PCSK2: variants seen among roughly 807,000 people sequenced by gnomAD.
PCSK2 encodes the protein neuroendocrine convertase 2.
PCSK2 carries 14 observed loss-of-function variants against 69.7 expected under a neutral mutation model. The ratio of observed to expected loss-of-function variants is 0.20; its 90% CI spans 0.13 to 0.31. The LOEUF is 0.31. PCSK2 is among the 10% of genes least tolerant of loss of function. The probability of loss-of-function intolerance (pLI) is 1.00; values close to 1 mark genes in which losing one functional copy is unlikely to be tolerated. For missense variants in PCSK2, 544 were observed against 842.5 expected (o/e 0.65, Z 4.39); for synonymous variants, 307 against 320.7 (o/e 0.96, Z 0.46).
chr20:17,249,260 A>G (rs183077899), intron 1 of PCSK2, among the ~76,000 whole-genome samples: 7 of 152,180 alleles, frequency 4.6e-5, no homozygotes, highest in African/African-American at 1.7e-4. Context: ...TAATCCCAGC[A>G]CTTTGGGAGG....
In PCSK2 at chr20:17,341,073, C is replaced by G. The variant is rs529353138; in HGVS notation, c.283-17254C>G. On this transcript the variant is annotated intron_variant, in intron 2 of 11. Coordinates refer to ENST00000262545, the MANE Select transcript of PCSK2 (RefSeq NM_002594.5). ...CGAGAGCAGCCTGGCCAAAATGTCT[C>G]TACTAAAAATACAAAAATGAGCTGG... 2.6e-5 allele frequency among the ~76,000 whole-genome samples: 4 copies of G among 152,158 alleles called. No individual in the cohort carries two copies. In the South Asian group the frequency reaches 8.3e-4, roughly 32 times the overall value.
Position 17,316,787 on chromosome 20 carries a change from G to T in PCSK2, c.283-41540G>T, listed in dbSNP as rs571923149. Among the ~76,000 whole-genome samples the T allele has an allele frequency of 1.5e-4, 23 of 152,284 alleles. No homozygotes were observed. The South Asian group carries it at 4.1e-3, about 27-fold the overall frequency. ...TTGTGAAATGTAATATTGTGATGTG[G>T]CAGACAGATTATAAGAGTTGAATGC... On this transcript the variant is annotated intron_variant, in intron 2 of 11. Coordinates refer to ENST00000262545, the MANE Select transcript of PCSK2 (RefSeq NM_002594.5).
At chr20:17,237,283 T>TA (rs1986379689) in intron 1 of PCSK2, among the ~76,000 whole-genome samples, 1 of 151,972 alleles carries the variant, frequency 6.6e-6, no homozygotes, top group African/African-American at 2.4e-5. Flanking sequence ...ATTATCAAAG[T>TA]AAAAAGGAGA....
At chr20:17,227,973 C>A (rs570181100) in intron 1 of PCSK2, among the ~76,000 whole-genome samples, 1 of 152,274 alleles carries the variant, frequency 6.6e-6, no homozygotes, top group East Asian at 1.9e-4. Context: ...GGAGGACTTC[C>A]CTCCCAGGGA....
chr20:17,387,596 C>T (rs1314084507), intron 5 of PCSK2, among the ~76,000 whole-genome samples: 1 of 152,200 alleles, frequency 6.6e-6, no homozygotes, highest in Non-Finnish European at 1.5e-5. Flanking sequence ...CAAGCAATCT[C>T]AGAGAGGGAC....
chr20:17,427,753 T>C (rs2032278239), intron 6 of PCSK2, among the ~76,000 whole-genome samples: 1 of 151,830 alleles, frequency 6.6e-6, no homozygotes. Context: ...GGGGGCTGAT[T>C]GGTTTAGGAT....
At chr20:17,318,324 T>C (rs1221173313) in intron 2 of PCSK2, among the ~76,000 whole-genome samples, 2 of 152,166 alleles carry the variant, frequency 1.3e-5, no homozygotes, top group African/African-American at 2.4e-5. Flanking sequence ...CTGTGAGAGA[T>C]GAAGCATGTT....
intron 2 of PCSK2, among the ~76,000 whole-genome samples, chr20:17,345,939 C>T (rs1402718468): frequency 2.0e-5 from 3 of 152,236 alleles, no homozygotes; most frequent in Non-Finnish European, 2.9e-5. Context: ...AGGACCAAGA[C>T]ACATGACCTT....
At chr20:17,238,459 C>A (rs1338275592) in intron 1 of PCSK2, among the ~76,000 whole-genome samples, 1 of 152,096 alleles carries the variant, frequency 6.6e-6, no homozygotes, top group Non-Finnish European at 1.5e-5. Context: ...ATTAATTTAA[C>A]CCTTCATTTA....
intron 5 of PCSK2, among the ~76,000 whole-genome samples, chr20:17,376,388 T>G (rs2123243472): frequency 6.6e-6 from 1 of 152,354 alleles, no homozygotes; most frequent in Non-Finnish European, 1.5e-5. Context: ...GCCGTTTTTG[T>G]GTAGTAACTG....
chr20:17,281,092 C>T (rs1988291502), intron 2 of PCSK2, among the ~76,000 whole-genome samples: 1 of 152,194 alleles, frequency 6.6e-6, no homozygotes, highest in South Asian at 2.1e-4. Context: ...AGTATAGTAA[C>T]CCAGGTGAGG....
chr20:17,268,763 G>A (rs891042159), intron 2 of PCSK2, among the ~76,000 whole-genome samples: 1 of 152,192 alleles, frequency 6.6e-6, no homozygotes, highest in African/African-American at 2.4e-5. Flanking sequence ...TGGGGTAGAG[G>A]TATGGATGAG....
At chr20:17,274,684 T>A (rs1476927393) in intron 2 of PCSK2, among the ~76,000 whole-genome samples, 1 of 152,108 alleles carries the variant, frequency 6.6e-6, no homozygotes, top group African/African-American at 2.4e-5. Flanking sequence ...CAACTGCTGT[T>A]ACCTGGAGAC....
At chr20:17,389,182 T>C (rs1253214877) in intron 5 of PCSK2, among the ~76,000 whole-genome samples, 1 of 150,732 alleles carries the variant, frequency 6.6e-6, no homozygotes, top group African/African-American at 2.4e-5. Flanking sequence ...AAATCTCACT[T>C]GCCATATAAA....
chr20:17,405,789 T>A (rs2031738760), intron 5 of PCSK2, among the ~76,000 whole-genome samples: 1 of 152,168 alleles, frequency 6.6e-6, no homozygotes, highest in Non-Finnish European at 1.5e-5. Context: ...TTTTTTCCCC[T>A]GTGCATTAAA....
rs145152141 is a variant in PCSK2 at position 17,481,884 on chromosome 20, C to T, written c.1731C>T (p.Ser577=). 199 of 1,613,992 alleles carry T rather than the reference C, an allele frequency of 1.2e-4. No homozygotes were observed. Among genetic ancestry groups the T allele is most frequent in the Admixed American group, 2.0e-4 (12 of 60,006 alleles). Residue 577 remains serine (S), a synonymous_variant, in exon 12 of 12, where the codon AGC becomes AGT. Transcript: ENST00000262545. ...TWTLELGFVG[S]APQKGVLKEW... is the part of the protein sequence containing the mutation. The stretch of plus-strand genomic sequence containing the variant: ...CCCTGGAGCTGGGATTTGTCGGCAG[C>T]GCCCCGCAGAAGGGGGTGCTGAAGG...
At chr20:17,345,058 C>T (rs1990614029) in intron 2 of PCSK2, among the ~76,000 whole-genome samples, 1 of 152,170 alleles carries the variant, frequency 6.6e-6, no homozygotes, top group Non-Finnish European at 1.5e-5. Flanking sequence ...TCCCAGAGGA[C>T]TTGTTTTCCA....
intron 5 of PCSK2, among the ~76,000 whole-genome samples, chr20:17,375,171 G>A (rs1334203452): frequency 6.6e-6 from 1 of 152,132 alleles, no homozygotes; most frequent in East Asian, 1.9e-4. Context: ...AAGAGTTGAG[G>A]TTACAACGTT....
chr20:17,396,617 TA>T (rs1474634076), intron 5 of PCSK2, among the ~76,000 whole-genome samples: 2 of 146,778 alleles, frequency 1.4e-5, no homozygotes, highest in East Asian at 1.9e-4. Flanking sequence ...AAAGTCAACT[TA>T]TTTTTTTTTT....
Sources: gnomAD v4.1 joint callset for allele counts (sites outside exome capture counted in the v4.1 genomes callset) on GRCh38, gnomAD v4.1.1 for gene constraint, MANE v1.5 for transcripts, NCBI Gene and HGNC (gene_info 2026-07-23, HGNC 2026-07-21) for gene names.